Variants in CDK13 observed in about 807,000 individuals in gnomAD.
The protein encoded by CDK13 is cyclin-dependent kinase 13.
A neutral mutation model predicts 137.6 loss-of-function variants in CDK13; 40 were observed. The observed-to-expected ratio is 0.29, with a 90% CI of 0.23 to 0.38. The LOEUF (loss-of-function observed/expected upper bound fraction) is 0.38. CDK13 is among the 10% of genes least tolerant of loss of function. The pLI is 1.00. For synonymous variants in CDK13, 869 were observed against 760.1 expected (o/e 1.14, Z -2.36); for missense variants, 1,704 against 1,951.8 (o/e 0.87, Z 2.39).
rs374109953 is a variant in CDK13, at chr7:39,983,584, A to G, written c.1212-4015A>G. ...ATAAGATTCACTGATTGTAAATTTC[A>G]ATTAAATATAGTTTATGTGTCTGAA... On this transcript the variant is annotated intron_variant, in intron 1 of 13. Transcript: ENST00000181839. 3.9e-4 allele frequency among the ~76,000 whole-genome samples: 60 copies of G among 152,308 alleles called. 1 individual carries two copies. In the South Asian group the frequency reaches 0.012, roughly 30 times the overall value.
Position 40,094,241 on chromosome 7 carries a change from C to T in CDK13, c.3800C>T (p.Pro1267Leu). The T allele has an allele frequency of 2.5e-6, 4 of 1,613,076 alleles. No homozygotes were observed. The highest frequency in any genetic ancestry group is 3.4e-6 in the Non-Finnish European group (4 of 1,179,632). ...PDQRPPEPPE[P>L]PPVTEEDLDY... ...CAACGACCTCCCGAGCCTCCTGAAC[C>T]ACCACCAGTCACTGAGGAAGATCTA... The change falls in exon 14 of 14, where the codon CCA becomes CTA. Residue 1267 changes from proline (P) to leucine (L), a missense_variant. This residue lies in a region of CDK13 where 475 missense variants were observed against 579.3 expected (regional missense o/e 0.82). Transcript: ENST00000181839.
intron 11 of CDK13, among the ~76,000 whole-genome samples, chr7:40,079,558 C>A (rs1276585045): frequency 6.6e-6 from 1 of 152,136 alleles, no homozygotes; most frequent in Non-Finnish European, 1.5e-5. Flanking sequence ...ATCTTTATAA[C>A]CTTATAAGGT....
chr7:39,997,407 C>T (rs1019401677), intron 2 of CDK13, 87 bp from the exon 3 acceptor site: 5 of 979,966 alleles, frequency 5.1e-6, no homozygotes, highest in Middle Eastern at 5.7e-4. Context: ...ATATTCATGA[C>T]TATTGCTACT....
chr7:40,009,847 C>A (rs1197472814), intron 5 of CDK13, among the ~76,000 whole-genome samples: 5 of 152,176 alleles, frequency 3.3e-5, no homozygotes, highest in Admixed American at 3.3e-4. Context: ...CAGCATTGTA[C>A]TAGAGGTTCT....
chr7:39,982,789 T>C (rs1784256791), intron 1 of CDK13, among the ~76,000 whole-genome samples: 2 of 152,272 alleles, frequency 1.3e-5, no homozygotes, highest in Admixed American at 1.3e-4. Context: ...TTTTTTCATG[T>C]GTCTTCTGGC....
chr7:40,094,802 C>A lies in CDK13; in HGVS notation c.4361C>A (p.Pro1454Gln), dbSNP rs1188963448. 1 of 1,593,428 alleles carries A rather than the reference C, an allele frequency of 6.3e-7. No individual in the cohort carries two copies. The highest frequency in any genetic ancestry group is 2.2e-5 in the East Asian group (1 of 44,758). Residue 1454 changes from proline to glutamine, a missense_variant, in exon 14 of 14, where the codon CCA becomes CAA. Around this residue, in one of 5 missense-constraint regions of CDK13, gnomAD observed 475 missense variants for 579.3 expected, o/e 0.82. Transcript: ENST00000181839. ...STGPESTHPL[P>Q]AKMHNYNYGG... ...GGGCCAGAGAGTACTCATCCTTTGC[C>A]AGCAAAGATGCACAACTATAACTAT... is the stretch of plus-strand genomic sequence containing the variant.
chr7:40,094,877 A>G lies in CDK13; in HGVS notation c.4436A>G (p.Gln1479Arg). The G allele has an allele frequency of 6.6e-7, 1 of 1,521,650 alleles. No individual in the cohort carries two copies. The allele number at this position is 1,521,650 out of a possible 1,614,324, so 94.3% of individuals were successfully genotyped here. Residue 1479 changes from glutamine to arginine, a missense_variant, in exon 14 of 14, where the codon CAG becomes CGG. Physicochemically the swap from Gln to Arg is conservative, Grantham distance 43. Transcript: ENST00000181839. ...AGTGGCCCCAGCCTCATGCATGGAC[A>G]GACCTGGACTTCTCCTGCCCAAGGA... is the stretch of plus-strand genomic sequence containing the variant. ...NPSGPSLMHG[Q>R]TWTSPAQGPG...
intron 7 of CDK13, among the ~76,000 whole-genome samples, chr7:40,053,765 T>A (rs1562751421): frequency 6.6e-6 from 1 of 152,002 alleles, no homozygotes; most frequent in African/African-American, 2.4e-5. Flanking sequence ...TTCTTTTTTT[T>A]TTTTAAGAAA....
At chr7:40,047,958 T>G in intron 7 of CDK13, 81 bp downstream of exon 7, 1 of 877,914 alleles carries the variant, frequency 1.1e-6, no homozygotes, top group South Asian at 1.7e-5. Context: ...ATTGATAGTT[T>G]TATTTTTTAA....
At chr7:40,071,413 CTG>C (rs1407548181) in intron 9 of CDK13, 2 of 152,170 alleles carry the variant, frequency 1.3e-5, no homozygotes, top group Non-Finnish European at 2.9e-5. Context: ...ATCCTCATAT[CTG>C]TGATGTGCTG....
intron 1 of CDK13, among the ~76,000 whole-genome samples, chr7:39,979,320 G>A (rs1157736666): frequency 6.6e-6 from 1 of 150,578 alleles, no homozygotes; most frequent in Non-Finnish European, 1.5e-5. Context: ...AGGTTCAAGC[G>A]ATTCTCCTGC....
chr7:39,997,973 A>G, intron 3 of CDK13: 1 of 227,908 alleles, frequency 4.4e-6, no homozygotes, highest in Non-Finnish European at 8.5e-6. Flanking sequence ...AATTGGGCAG[A>G]GTAGAAGTCA....
chr7:40,075,271 T>A (rs556070616), intron 9 of CDK13, among the ~76,000 whole-genome samples: 32 of 152,176 alleles, frequency 2.1e-4, no homozygotes, highest in Non-Finnish European at 4.0e-4. Context: ...TTGGGAGTAG[T>A]TGACTGGCCA....
chr7:39,982,978 C>G (rs1013831010), intron 1 of CDK13, among the ~76,000 whole-genome samples: 1 of 152,156 alleles, frequency 6.6e-6, no homozygotes, highest in African/African-American at 2.4e-5. Context: ...CCTGTTCACT[C>G]TGATGGTTGT....
chr7:40,074,012 C>T (rs1167862273), intron 9 of CDK13, among the ~76,000 whole-genome samples: 1 of 150,560 alleles, frequency 6.6e-6, no homozygotes, highest in Non-Finnish European at 1.5e-5. Context: ...AAGTGATTCT[C>T]TGCCTCAGCC....
At chr7:39,990,654 T>C (rs1442331766) in intron 2 of CDK13, among the ~76,000 whole-genome samples, 1 of 152,244 alleles carries the variant, frequency 6.6e-6, no homozygotes, top group Non-Finnish European at 1.5e-5. Flanking sequence ...GTTAGTGGGC[T>C]GTAGTAGAAA....
chr7:40,031,682 GT>G (rs1180061212), intron 5 of CDK13, among the ~76,000 whole-genome samples: 2 of 151,762 alleles, frequency 1.3e-5, no homozygotes, highest in African/African-American at 4.8e-5. Context: ...ATCTCGCTCT[GT>G]CATCCACGCT....
chr7:39,976,319 T>TCACACACACACA (rs1320736487), intron 1 of CDK13, among the ~76,000 whole-genome samples: 9 of 54,318 alleles, frequency 1.7e-4, no homozygotes, highest in African/African-American at 2.1e-4. Flanking sequence ...TCTCTCTCTC[T>TCACACACACACA]CTCTCACACA....
chr7:40,019,493 A>G (rs1350615119), intron 5 of CDK13, among the ~76,000 whole-genome samples: 1 of 152,148 alleles, frequency 6.6e-6, no homozygotes, highest in African/African-American at 2.4e-5. Flanking sequence ...TCTGAAGGTA[A>G]TCTGGAATCA....
Sources: allele counts gnomAD v4.1 joint callset (sites outside exome capture counted in the v4.1 genomes callset), GRCh38; gene constraint gnomAD v4.1.1; regional missense constraint gnomAD v4.1.1; transcripts MANE v1.5; gene names NCBI Gene and HGNC (gene_info 2026-07-23, HGNC 2026-07-21).